Variants in NARS1 observed in about 807,000 individuals in gnomAD.
NARS1 encodes the protein asparagine--tRNA ligase, cytoplasmic.
A neutral mutation model predicts 79.2 loss-of-function variants in NARS1; 65 were observed. That is an observed-to-expected ratio of 0.82 (90% CI 0.67 to 1.01). NARS1 has a LOEUF of 1.01. Among genes scored for constraint, NARS1 ranks in the 50% least tolerant of loss-of-function variants. The pLI, the probability that NARS1 is intolerant of heterozygous loss-of-function variation, is 0.00. For synonymous variants in NARS1, 229 were observed against 238.8 expected (o/e 0.96, Z 0.38); for missense variants, 649 against 673.8 (o/e 0.96, Z 0.41).
rs1226395806 is a variant in NARS1 at position 57,601,921 on chromosome 18, C to T, written c.1516-138G>A. ...TCAACTATGGCCAGATTCAGTGGCT[C>T]GTGCCTGTAATCCCAGCACTTAATC... On this transcript the variant is annotated intron_variant, in intron 13 of 13. Transcript: ENST00000256854. 7 of 820,530 alleles carry T rather than the reference C, an allele frequency of 8.5e-6. No individual in the cohort carries two copies. The East Asian group carries it at 1.8e-4, about 21-fold the overall frequency. 50.8% of individuals were successfully genotyped at this position (820,530 alleles called of 1,614,324 possible). A position where few individuals can be genotyped will look rare whatever the true frequency, so the allele number is the denominator to read the frequency against.
intron 9 of NARS1, 73 bp from the exon 10 acceptor site, chr18:57,606,824 T>G: frequency 6.3e-7 from 1 of 1,580,354 alleles, no homozygotes; most frequent in Non-Finnish European, 8.6e-7. Flanking sequence ...GCTTTTAACA[T>G]TGGGAAGCTG....
chr18:57,619,222 G>A (rs1369824670), intron 2 of NARS1, among the ~76,000 whole-genome samples: 1 of 148,840 alleles, frequency 6.7e-6, no homozygotes, highest in Non-Finnish European at 1.5e-5. Context: ...AGTCTCCCGA[G>A]TAGCTGGGGC....
intron 11 of NARS1, 74 bp from the exon 12 acceptor site, chr18:57,603,017 T>G: frequency 6.8e-7 from 1 of 1,463,022 alleles, no homozygotes; most frequent in Non-Finnish European, 9.5e-7. Flanking sequence ...CTTCACCCTG[T>G]ACCAGTCCTT....
Position 57,606,600 on chromosome 18 carries a change from TA to T in NARS1, c.1137+15del. The T allele has an allele frequency of 1.3e-6, 2 of 1,597,932 alleles. No homozygotes were observed. Among genetic ancestry groups the T allele is most frequent in the Non-Finnish European group, 1.7e-6 (2 of 1,170,792 alleles). Reference sequence around the variant, plus strand: ...AAAGGACTGTGACTTTTTCTTTCCATAAACACTGCACCTACCGGGTTGAGCT... The same window carrying T: ...AAAGGACTGTGACTTTTTCTTTCCATAACACTGCACCTACCGGGTTGAGCT... On this transcript the variant is annotated intron_variant, in intron 10 of 13. Transcript: ENST00000256854.
chr18:57,616,135 C>T, intron 2 of NARS1, 160 bp from the exon 3 acceptor site: 1 of 680,280 alleles, frequency 1.5e-6, no homozygotes, highest in Admixed American at 3.6e-5. Flanking sequence ...ATTTAAGAAG[C>T]ACACTGGTTG....
intron 11 of NARS1, 82 bp from the exon 12 acceptor site, chr18:57,603,025 C>T (rs1244652431): frequency 2.2e-6 from 3 of 1,388,730 alleles, no homozygotes; most frequent in East Asian, 2.3e-5. Flanking sequence ...TGTACCAGTC[C>T]TTCCTCCTAT....
chr18:57,621,782 C>A lies in NARS1; in HGVS notation c.-65G>T. 1.9e-6 allele frequency: 3 copies of A among 1,611,972 alleles called. No homozygotes were observed. Among genetic ancestry groups the A allele is most frequent in the Non-Finnish European group, 2.5e-6 (3 of 1,179,528 alleles). ...CAACACCGACGCCGTCTTATGACTC[C>A]AACGTGCACCGGCGGTTTCCGCGAT... On this transcript the variant is annotated 5_prime_UTR_variant, in exon 1 of 14. Transcript: ENST00000256854.
intron 4 of NARS1, among the ~76,000 whole-genome samples, chr18:57,615,063 C>G (rs776642711): frequency 6.6e-6 from 1 of 151,914 alleles, no homozygotes; most frequent in African/African-American, 2.4e-5. Context: ...TGCCTGTGGT[C>G]CCCCCTACTT....
At chr18:57,610,380 G>A (rs2051595179) in intron 6 of NARS1, among the ~76,000 whole-genome samples, 1 of 152,224 alleles carries the variant, frequency 6.6e-6, no homozygotes, top group African/African-American at 2.4e-5. Context: ...GCTGAAGCAA[G>A]AGAATCACTT....
At chr18:57,606,583 G>T (rs758873174) in intron 10 of NARS1, 33 bp downstream of exon 10, 1 of 1,583,672 alleles carries the variant, frequency 6.3e-7, no homozygotes, top group East Asian at 2.3e-5. Flanking sequence ...AAAAAGGACT[G>T]TGACTTTTTC....
chr18:57,610,322 GT>G (rs1437898241), intron 6 of NARS1, among the ~76,000 whole-genome samples: 8 of 151,728 alleles, frequency 5.3e-5, no homozygotes, highest in Non-Finnish European at 7.4e-5. Flanking sequence ...AAATACAAAA[GT>G]TAGCTGGGTA....
In NARS1 at chr18:57,606,352, AAAT is replaced by A. The variant is rs2051556373; in HGVS notation, c.1137+261_1137+263del. ...AGAGTGAGACTCTGTCTCAAAAAAA[AAAT>A]ATATATATATATATATATATATATA... On this transcript the variant is annotated intron_variant, in intron 10 of 13. Coordinates refer to ENST00000256854, the MANE Select transcript of NARS1 (RefSeq NM_004539.4). 2.0e-4 allele frequency among the ~76,000 whole-genome samples: 7 copies of A among 35,320 alleles called. 1 individual carries two copies. In the South Asian group the frequency reaches 7.7e-3, roughly 39 times the overall value. 23.2% of individuals were successfully genotyped at this position (35,320 alleles called of 152,430 possible).
At chr18:57,615,529 GA>G (rs1399666570) in intron 4 of NARS1, 111 bp downstream of exon 4, 2 of 706,596 alleles carry the variant, frequency 2.8e-6, no homozygotes, top group Admixed American at 2.8e-5. Flanking sequence ...TAAATAAATG[GA>G]AAGTAAAAAC....
chr18:57,601,613 C>T lies in NARS1; in HGVS notation c.*39G>A. The T allele has an allele frequency of 6.3e-7, 1 of 1,598,070 alleles. No individual in the cohort carries two copies. Among genetic ancestry groups the T allele is most frequent in the Non-Finnish European group, 8.6e-7 (1 of 1,168,592 alleles). Reference sequence around the variant, plus strand: ...TGTTTTCTTTTTTAAAGAGCCTGTTCCTTTCATAATCTTTCCTCCACGCTT... The same window carrying T: ...TGTTTTCTTTTTTAAAGAGCCTGTTTCTTTCATAATCTTTCCTCCACGCTT... On this transcript the variant is annotated 3_prime_UTR_variant, in exon 14 of 14. Coordinates refer to ENST00000256854, the MANE Select transcript of NARS1 (RefSeq NM_004539.4).
chr18:57,613,485 T>A, intron 5 of NARS1, 117 bp downstream of exon 5: 7 of 842,070 alleles, frequency 8.3e-6, no homozygotes, highest in Non-Finnish European at 1.1e-5. Flanking sequence ...AAAGTGAGAC[T>A]GTGTCTAAGA....
In NARS1 at chr18:57,613,626, A is replaced by G; in HGVS notation, c.397T>C (p.Trp133Arg). The G allele has an allele frequency of 1.2e-6, 2 of 1,614,186 alleles. No individual in the cohort carries two copies. The highest frequency in any genetic ancestry group is 1.7e-6 in the Non-Finnish European group (2 of 1,180,022). The part of the protein sequence containing the change: ...YRGQRVKVFG[W>R]VHRLRRQGKN... ...CCTTGCCTGCGCAGCCTGTGGACCC[A>G]GCCAAACACCTTTACTCTTTGGCCT... The change falls in exon 5 of 14, where the codon TGG (tryptophan) becomes CGG (arginine). Residue 133 changes from tryptophan (W) to arginine (R), a missense_variant. Coordinates refer to ENST00000256854, the MANE Select transcript of NARS1 (RefSeq NM_004539.4).
At chr18:57,612,111 T>G (rs2051609044) in intron 5 of NARS1, among the ~76,000 whole-genome samples, 1 of 152,118 alleles carries the variant, frequency 6.6e-6, no homozygotes, top group South Asian at 2.1e-4. Context: ...AGTTCAGACC[T>G]CCCACATGGC....
At chr18:57,617,640 G>C (rs1466195778) in intron 2 of NARS1, among the ~76,000 whole-genome samples, 1 of 150,840 alleles carries the variant, frequency 6.6e-6, no homozygotes, top group South Asian at 2.1e-4. Context: ...TCAAGGGCTG[G>C]GCGTGGTGGC....
intron 11 of NARS1, among the ~76,000 whole-genome samples, chr18:57,604,655 T>G (rs1170833356): frequency 1.3e-5 from 2 of 152,044 alleles, no homozygotes; most frequent in Non-Finnish European, 2.9e-5. Context: ...TTTGGAAAGC[T>G]GGGGTGGGAG....
Sources: allele counts gnomAD v4.1 joint callset (sites outside exome capture counted in the v4.1 genomes callset), GRCh38; gene constraint gnomAD v4.1.1; transcripts MANE v1.5; gene names NCBI Gene and HGNC (gene_info 2026-07-23, HGNC 2026-07-21).